Variants in CADM2 observed in about 807,000 individuals in gnomAD.
CADM2 encodes immunoglobulin superfamily member 4D.
CADM2 carries 12 observed loss-of-function variants against 49.8 expected under a neutral mutation model. That is an observed-to-expected ratio of 0.24 (90% CI 0.15 to 0.39). CADM2 has a LOEUF of 0.39. Ranked by LOEUF, CADM2 falls within the 10% of genes least tolerant of loss-of-function variation. The pLI, the probability that CADM2 is intolerant of heterozygous loss-of-function variation, is 1.00. For missense variants in CADM2, 378 were observed against 492.3 expected, an observed-to-expected ratio of 0.77 and a Z score of 2.20; for synonymous variants, 214 against 175.4, an observed-to-expected ratio of 1.22 and a Z score of -1.74.
chr3:85,377,006 T>C (rs2107340413), intron 1 of CADM2, among the ~76,000 whole-genome samples: 1 of 152,238 alleles, frequency 6.6e-6, no homozygotes, highest in African/African-American at 2.4e-5. Context: ...GATCTTTACA[T>C]GGAAAATGCT....
chr3:85,353,551 G>GTT (rs893703512), intron 1 of CADM2, among the ~76,000 whole-genome samples: 4 of 136,952 alleles, frequency 2.9e-5, no homozygotes, highest in South Asian at 2.3e-4. Context: ...CTTTTTTTTT[G>GTT]TTTTTTTTTT....
chr3:85,683,247 A>G (rs2066091598), intron 1 of CADM2, among the ~76,000 whole-genome samples: 1 of 152,080 alleles, frequency 6.6e-6, no homozygotes, highest in African/African-American at 2.4e-5. Flanking sequence ...AGGAGGAGAA[A>G]TAGATTTAAT....
At chr3:85,603,224 CT>C (rs1484015869) in intron 1 of CADM2, among the ~76,000 whole-genome samples, 2 of 151,920 alleles carry the variant, frequency 1.3e-5, no homozygotes, top group Non-Finnish European at 2.9e-5. Flanking sequence ...GAATCTCCTA[CT>C]TTGACTGAAC....
intron 1 of CADM2, among the ~76,000 whole-genome samples, chr3:85,152,947 G>T (rs1203081030): frequency 7.0e-6 from 1 of 143,042 alleles, no homozygotes; most frequent in Non-Finnish European, 1.5e-5. Flanking sequence ...CTGGGCTACA[G>T]AGCAAGACTC....
chr3:85,097,359 A>G (rs1575855605), intron 1 of CADM2, among the ~76,000 whole-genome samples: 1 of 152,182 alleles, frequency 6.6e-6, no homozygotes, highest in Non-Finnish European at 1.5e-5. Context: ...ATAGTATTCC[A>G]TGGTGTATAT....
chr3:85,595,403 A>G (rs2063215788), intron 1 of CADM2, among the ~76,000 whole-genome samples: 1 of 152,070 alleles, frequency 6.6e-6, no homozygotes, highest in South Asian at 2.1e-4. Flanking sequence ...AACAGTTCAC[A>G]GAACTATATT....
chr3:85,636,960 T>C (rs1338636903), intron 1 of CADM2, among the ~76,000 whole-genome samples: 2 of 152,178 alleles, frequency 1.3e-5, no homozygotes, highest in East Asian at 3.9e-4. Context: ...TAAGCATGAC[T>C]GCACTTGTTA....
intron 3 of CADM2, among the ~76,000 whole-genome samples, chr3:85,837,182 C>A (rs2074449209): frequency 6.6e-6 from 1 of 151,524 alleles, no homozygotes; most frequent in African/African-American, 2.4e-5. Context: ...GTATGGCTAA[C>A]TACTTCATGT....
At chr3:85,308,730 T>A (rs1300561876) in intron 1 of CADM2, among the ~76,000 whole-genome samples, 1 of 151,986 alleles carries the variant, frequency 6.6e-6, no homozygotes, top group African/African-American at 2.4e-5. Context: ...CAGACCCATG[T>A]TCTAGTTCGT....
In CADM2 at chr3:85,151,787, A is replaced by G. The variant is rs113376433; in HGVS notation, c.61+192119A>G. On this transcript the variant is annotated intron_variant, in intron 1 of 9. Transcript: ENST00000383699. ...GGTAGATTGAGTCAGGTGAGAGTCA[A>G]TTTCCTGGTTCATAGCTGGCTTCTT... is the stretch of plus-strand genomic sequence containing the variant. Among the ~76,000 whole-genome samples the G allele has an allele frequency of 2.0e-3, 304 of 152,286 alleles. 1 individual carries two copies. Among genetic ancestry groups the G allele is most frequent in the African/African-American group, 7.0e-3 (290 of 41,554 alleles).
intron 1 of CADM2, among the ~76,000 whole-genome samples, chr3:85,670,285 G>A (rs889923208): frequency 1.3e-5 from 2 of 151,980 alleles, no homozygotes; most frequent in African/African-American, 4.8e-5. Context: ...TTGTTTTTCA[G>A]GAGAGAATAA....
intron 1 of CADM2, among the ~76,000 whole-genome samples, chr3:85,049,239 T>C (rs547005803): frequency 6.6e-6 from 1 of 152,094 alleles, no homozygotes; most frequent in Non-Finnish European, 1.5e-5. Context: ...GAAAGTGAAG[T>C]AGTAATACAA....
intron 1 of CADM2, among the ~76,000 whole-genome samples, chr3:85,194,847 T>A (rs2041301896): frequency 6.6e-6 from 1 of 152,012 alleles, no homozygotes; most frequent in Admixed American, 6.6e-5. Flanking sequence ...GAGGACTACC[T>A]GCATTAGAAT....
intron 1 of CADM2, among the ~76,000 whole-genome samples, chr3:85,319,276 T>C (rs569397510): frequency 6.6e-6 from 1 of 152,272 alleles, no homozygotes; most frequent in East Asian, 1.9e-4. Context: ...CGAATGGCTA[T>C]TAAAAAGTCA....
At chr3:85,690,689 A>G (rs2066353873) in intron 1 of CADM2, among the ~76,000 whole-genome samples, 1 of 152,160 alleles carries the variant, frequency 6.6e-6, no homozygotes, top group Non-Finnish European at 1.5e-5. Flanking sequence ...TAGATAGTAC[A>G]CCAGATTGTA....
chr3:86,030,330 T>A (rs748499314), intron 8 of CADM2, among the ~76,000 whole-genome samples: 2 of 152,014 alleles, frequency 1.3e-5, no homozygotes, highest in African/African-American at 4.8e-5. Flanking sequence ...ATGTCACTGT[T>A]GAAATCTCAG....
At chr3:85,449,612 A>T (rs980550341) in intron 1 of CADM2, among the ~76,000 whole-genome samples, 1 of 152,166 alleles carries the variant, frequency 6.6e-6, no homozygotes, top group African/African-American at 2.4e-5. Flanking sequence ...TAGTACTAAA[A>T]CAAGCTCCTT....
chr3:86,066,962 T>C lies in CADM2; in HGVS notation c.*179T>C. Reference sequence around the variant, plus strand: ...GTTGAAAGCATCATTCTTTAATTACTGTACCATCCATAATGCAGGACATTT... The same window carrying C: ...GTTGAAAGCATCATTCTTTAATTACCGTACCATCCATAATGCAGGACATTT... On this transcript the variant is annotated 3_prime_UTR_variant, in exon 10 of 10. Transcript: ENST00000383699. The C allele has an allele frequency of 1.7e-6, 1 of 599,222 alleles. No individual in the cohort carries two copies. The allele number at this position is 599,222 out of a possible 1,614,324, so 37.1% of individuals were successfully genotyped here. A position where few individuals can be genotyped will look rare whatever the true frequency, so the allele number is the denominator to read the frequency against.
chr3:85,129,821 T>A (rs567112966), intron 1 of CADM2, among the ~76,000 whole-genome samples: 3 of 152,354 alleles, frequency 2.0e-5, no homozygotes, highest in Admixed American at 6.5e-5. Context: ...AAAGCTAGTA[T>A]GTATACATAT....
Sources: allele counts gnomAD v4.1 joint callset (sites outside exome capture counted in the v4.1 genomes callset), GRCh38; gene constraint gnomAD v4.1.1; transcripts MANE v1.5; gene names NCBI Gene and HGNC (gene_info 2026-07-23, HGNC 2026-07-21).